WNT4: variants seen among roughly 807,000 people sequenced by gnomAD.
WNT4 encodes Wnt family member 4.
A neutral mutation model predicts 34.5 loss-of-function variants in WNT4; 16 were observed. That is an observed-to-expected ratio of 0.46 (90% CI 0.31 to 0.70). The LOEUF is 0.70. Among genes scored for constraint, WNT4 ranks in the 30% least tolerant of loss-of-function variants. WNT4 has a pLI of 0.04. For missense variants in WNT4, 379 were observed against 495.9 expected (o/e 0.76, Z 2.24); for synonymous variants, 200 against 211.9 (o/e 0.94, Z 0.49).
chr1:22,128,529 A>G (rs1022190060), intron 2 of WNT4, among the ~76,000 whole-genome samples: 1 of 152,030 alleles, frequency 6.6e-6, no homozygotes, highest in African/African-American at 2.4e-5. Context: ...TTCTGGTCTC[A>G]GCTGAGGACC....
intron 1 of WNT4, among the ~76,000 whole-genome samples, chr1:22,141,290 T>G (rs1348889186): frequency 6.6e-6 from 1 of 152,204 alleles, no homozygotes; most frequent in Non-Finnish European, 1.5e-5. Flanking sequence ...TTGTTTGTTT[T>G]TTGTGGCTTT....
intron 2 of WNT4, among the ~76,000 whole-genome samples, chr1:22,129,404 C>T (rs2124117876): frequency 6.6e-6 from 1 of 152,316 alleles, no homozygotes; most frequent in Admixed American, 6.5e-5. Context: ...CTTCTGATGG[C>T]CCCCATCCCA....
At chr1:22,121,419 C>G in intron 3 of WNT4, 26 bp downstream of exon 3, 2 of 1,613,874 alleles carry the variant, frequency 1.2e-6, no homozygotes, top group Non-Finnish European at 1.7e-6. Context: ...CCCTGCCCTC[C>G]CACTCTGACC....
intron 2 of WNT4, among the ~76,000 whole-genome samples, chr1:22,122,321 C>T (rs956403530): frequency 4.6e-5 from 7 of 152,016 alleles, no homozygotes; most frequent in African/African-American, 1.2e-4. Context: ...GAGGATCAGC[C>T]GGGGAAGGGA....
intron 2 of WNT4, among the ~76,000 whole-genome samples, chr1:22,126,343 T>C (rs1041867669): frequency 4.6e-5 from 7 of 152,074 alleles, no homozygotes; most frequent in Non-Finnish European, 7.4e-5. Flanking sequence ...TCTCTGATCC[T>C]CACGGGAATC....
At chr1:22,135,836 A>AGT (rs1646017676) in intron 1 of WNT4, among the ~76,000 whole-genome samples, 3 of 152,094 alleles carry the variant, frequency 2.0e-5, no homozygotes, top group African/African-American at 7.2e-5. Context: ...GAGAGAGAGA[A>AGT]CGGCCTCCCC....
chr1:22,128,880 C>T (rs1243879292), intron 2 of WNT4, among the ~76,000 whole-genome samples: 2 of 151,928 alleles, frequency 1.3e-5, no homozygotes, highest in Non-Finnish European at 2.9e-5. Context: ...CCACCACGCC[C>T]GGCTAATTTT....
intron 1 of WNT4, among the ~76,000 whole-genome samples, chr1:22,132,687 A>C (rs1645993395): frequency 6.6e-6 from 1 of 152,182 alleles, no homozygotes; most frequent in African/African-American, 2.4e-5. Flanking sequence ...GCAGGGGCTT[A>C]GGGTGAGCTG....
intron 1 of WNT4, among the ~76,000 whole-genome samples, chr1:22,135,141 A>C (rs1340903075): frequency 6.6e-6 from 1 of 152,156 alleles, no homozygotes; most frequent in Admixed American, 6.5e-5. Context: ...GAGGGCAGGG[A>C]CAGTGGTGTG....
chr1:22,123,879 C>T (rs1645921800), intron 2 of WNT4, among the ~76,000 whole-genome samples: 1 of 152,234 alleles, frequency 6.6e-6, no homozygotes, highest in Admixed American at 6.5e-5. Flanking sequence ...TCTGTGGGTT[C>T]TTTACTGGGG....
At chr1:22,133,943 A>G (rs915443648) in intron 1 of WNT4, among the ~76,000 whole-genome samples, 3 of 152,262 alleles carry the variant, frequency 2.0e-5, no homozygotes, top group Non-Finnish European at 4.4e-5. Flanking sequence ...GCTTGTCCCA[A>G]GCTTTTCCAG....
intron 2 of WNT4, among the ~76,000 whole-genome samples, chr1:22,126,844 T>C (rs1443046271): frequency 6.6e-6 from 1 of 152,228 alleles, no homozygotes; most frequent in African/African-American, 2.4e-5. Context: ...GGTGGGCCTA[T>C]GTGTGGCCTT....
Position 22,121,352 on chromosome 1 carries a change from G to A in WNT4, c.447C>T (p.Gly149=), listed in dbSNP as rs1186816520. ...DRTVHGVSPQ[G]FQWSGCSDNI... is the part of the protein sequence containing the mutation. ...TGTCAGAGCATCCTGACCACTGGAA[G>A]CCTGGGGTGTGGTGGGCACAGAAAG... Residue 149 remains glycine (G), a splice_region_variant and synonymous_variant, in exon 4 of 5, where the codon GGC becomes GGT. Coordinates refer to ENST00000290167, the MANE Select transcript of WNT4 (RefSeq NM_030761.5). 1.2e-6 allele frequency: 2 copies of A among 1,614,006 alleles called. No homozygotes were observed. Among genetic ancestry groups the A allele is most frequent in the African/African-American group, 1.3e-5 (1 of 74,934 alleles).
chr1:22,133,844 G>A (rs1413292925), intron 1 of WNT4, among the ~76,000 whole-genome samples: 2 of 152,248 alleles, frequency 1.3e-5, no homozygotes, highest in African/African-American at 4.8e-5. Flanking sequence ...CGTGCCTACA[G>A]CCTGCGAGGC....
chr1:22,142,266 A>T lies in WNT4; in HGVS notation c.77+580T>A, dbSNP rs1238482542. ...CCCGGGGAAAAACCAAGGCCCGGCC[A>T]GCGCCAGCGCCAGCCCCGGGCCCTG... On this transcript the variant is annotated intron_variant, in intron 1 of 4. Transcript: ENST00000290167. The surrounding 1 kb of genome is among the most constrained non-coding windows in gnomAD (Gnocchi z 6.0). Among the ~76,000 whole-genome samples the T allele has an allele frequency of 2.0e-5, 3 of 151,984 alleles. No individual in the cohort carries two copies. Among genetic ancestry groups the T allele is most frequent in the Non-Finnish European group, 2.9e-5 (2 of 67,968 alleles).
rs944881152 is a variant in WNT4 at position 22,117,812 on chromosome 1, A to G, written c.*2238T>C. On this transcript the variant is annotated 3_prime_UTR_variant, in exon 5 of 5. Transcript: ENST00000290167. ...TCATACCAGCATCCAGCCTGGACCT[A>G]CTGTTCCCTGGATGGGGAGAGTGGC... is the stretch of plus-strand genomic sequence containing the variant. 1.3e-5 allele frequency: 2 copies of G among 152,248 alleles called. No individual in the cohort carries two copies. The highest frequency in any genetic ancestry group is 2.9e-5 in the Non-Finnish European group (2 of 68,082). 9.4% of individuals were successfully genotyped at this position (152,248 alleles called of 1,614,324 possible).
chr1:22,123,184 G>A (rs780806192), intron 2 of WNT4, among the ~76,000 whole-genome samples: 19 of 152,168 alleles, frequency 1.2e-4, no homozygotes, highest in African/African-American at 1.9e-4. Context: ...AGCAGGAGAC[G>A]GGGCTGGCTG....
chr1:22,126,676 T>C (rs1363512040), intron 2 of WNT4, among the ~76,000 whole-genome samples: 1 of 152,196 alleles, frequency 6.6e-6, no homozygotes, highest in Non-Finnish European at 1.5e-5. Context: ...AGGCCGCTCA[T>C]GTATGCAGGC....
At position 22,120,983 on chromosome 1, in the gene WNT4, T is replaced by G. The variant is rs184078043; in HGVS notation, c.588+228A>C. On this transcript the variant is annotated intron_variant, in intron 4 of 4. Transcript: ENST00000290167. ...GGATGGACACATATATGTATGTGTGTGGGGGGGCCATATGTATGGAGGGGG... is the reference window on the plus strand; with the variant it reads ...GGATGGACACATATATGTATGTGTGGGGGGGGGCCATATGTATGGAGGGGG... Among the ~76,000 whole-genome samples the G allele has an allele frequency of 2.0e-3, 311 of 151,948 alleles. 2 individuals carry two copies. Among genetic ancestry groups the G allele is most frequent in the African/African-American group, 7.0e-3 (289 of 41,410 alleles).
Sources: gnomAD v4.1 joint callset for allele counts (sites outside exome capture counted in the v4.1 genomes callset) on GRCh38, gnomAD v4.1.1 for gene constraint, Gnocchi (gnomAD v3.1) non-coding constraint, MANE v1.5 for transcripts, NCBI Gene and HGNC (gene_info 2026-07-23, HGNC 2026-07-21) for gene names.